The following SNED1 variants were observed in gnomAD, a reference collection of about 807,000 sequenced individuals.
SNED1 encodes sushi, nidogen and EGF like domains 1, also known as sushi, nidogen and EGF-like domain-containing protein 1.
SNED1 carries 81 observed loss-of-function variants against 166.7 expected under a neutral mutation model. The observed-to-expected ratio is 0.49, with a 90% CI of 0.41 to 0.58. The LOEUF is 0.58. Among genes scored for constraint, SNED1 ranks in the 20% least tolerant of loss-of-function variants. The probability of loss-of-function intolerance (pLI) is 0.00; values close to 1 mark genes in which losing one functional copy is unlikely to be tolerated. For synonymous variants in SNED1, 762 were observed against 822.0 expected, an observed-to-expected ratio of 0.93 and a Z score of 1.25; for missense variants, 1,604 against 2,000.2, an observed-to-expected ratio of 0.80 and a Z score of 3.78.
rs764542735 is a variant in SNED1 at position 241,053,213 on chromosome 2, G to A, written c.2144G>A (p.Arg715Gln). 31 of 1,609,516 alleles carry A rather than the reference G, an allele frequency of 1.9e-5. No individual in the cohort carries two copies. Among genetic ancestry groups the A allele is most frequent in the Middle Eastern group, 1.7e-4 (1 of 6,004 alleles). The change falls in exon 16 of 32, where the codon CGG becomes CAG. Residue 715 changes from arginine (R) to glutamine (Q), a missense_variant. Around this residue, in one of 2 missense-constraint regions of SNED1, gnomAD observed 1,237 missense variants for 1,620.8 expected, o/e 0.76. Transcript: ENST00000310397. ...KHATLRFNGT[R>Q]LGAVALYACD... Reference sequence around the variant, plus strand: ...GCCACACTGCGCTTCAACGGCACGCGGCTGGGCGCGGTGGCCCTGTATGCA... The same window carrying A: ...GCCACACTGCGCTTCAACGGCACGCAGCTGGGCGCGGTGGCCCTGTATGCA...
At position 241,051,992 on chromosome 2, in the gene SNED1, A is replaced by T; in HGVS notation, c.1853-49A>T. 6.4e-7 allele frequency: 1 copy of T among 1,557,772 alleles called. No homozygotes were observed. Among genetic ancestry groups the T allele is most frequent in the African/African-American group, 1.4e-5 (1 of 73,854 alleles). ...GGCCCCAGCTCTGGGATGTTGGGGA[A>T]CGTGGGAGGGGCAGTGGGCTGTGAC... On this transcript the variant is annotated intron_variant, in intron 13 of 31. Coordinates refer to ENST00000310397, the MANE Select transcript of SNED1 (RefSeq NM_001080437.3). This position sits in a 1 kb window ranked among gnomAD's most constrained non-coding sequence, Gnocchi z 4.7.
In SNED1 at chr2:241,084,790, A is replaced by T. The variant is rs1374549633; in HGVS notation, c.4121+2426A>T. Reference sequence around the variant, plus strand: ...TCTTTGCCATAAGAACTTAACTCTAACATCTCCTATAGCACAGGTCTGCAG... The same window carrying T: ...TCTTTGCCATAAGAACTTAACTCTATCATCTCCTATAGCACAGGTCTGCAG... On this transcript the variant is annotated intron_variant, in intron 29 of 31. Transcript: ENST00000310397. Among the ~76,000 whole-genome samples, 17 of 152,102 alleles carry T rather than the reference A, an allele frequency of 1.1e-4. No homozygotes were observed. The East Asian group carries it at 3.1e-3, about 28-fold the overall frequency.
chr2:241,030,651 C>A, intron 2 of SNED1, 80 bp downstream of exon 2: 1 of 1,429,020 alleles, frequency 7.0e-7, no homozygotes, highest in East Asian at 2.4e-5. Flanking sequence ...CTCCCTCTTG[C>A]TGATGTGGGT....
rs6708120 is a variant in SNED1, at chr2:241,073,344, A to G, written c.3896A>G (p.His1299Arg). ...AGCCTGGCCCTCCAGCTCCCTGAACACGGCAGCAAGGACATCGGAAGTGAG... is the reference window on the plus strand; with the variant it reads ...AGCCTGGCCCTCCAGCTCCCTGAACGCGGCAGCAAGGACATCGGAAGTGAG... ...RVSLALQLPE[H>R]GSKDIGNVPG... Residue 1299 changes from histidine to arginine, a missense_variant, in exon 27 of 32, where the codon CAC becomes CGC. By Grantham distance (29) the His-to-Arg change is conservative (BLOSUM62 0). Coordinates refer to ENST00000310397, the MANE Select transcript of SNED1 (RefSeq NM_001080437.3). This position sits in a 1 kb window ranked among gnomAD's most constrained non-coding sequence, Gnocchi z 6.6. 4,931 of 1,573,046 alleles carry G rather than the reference A, an allele frequency of 3.1e-3. 135 individuals are homozygous for G. The African/African-American group carries it at 0.057, about 18-fold the overall frequency.
chr2:241,012,000 C>T (rs75501520), intron 1 of SNED1, among the ~76,000 whole-genome samples: 7,650 of 152,264 alleles, frequency 0.05, 302 homozygotes, highest in African/African-American at 0.11. Flanking sequence ...TGGAGCGGGG[C>T]AGGCGGCGGG....
intron 27 of SNED1, chr2:241,074,708 G>A (rs928729643): frequency 2.6e-5 from 4 of 152,172 alleles, no homozygotes; most frequent in Admixed American, 6.5e-5. Context: ...ATGGCCCCTC[G>A]ATGCGCAAAG....
chr2:241,063,880 G>A (rs1276290238), intron 18 of SNED1, 132 bp from the exon 19 acceptor site: 7 of 775,594 alleles, frequency 9.0e-6, no homozygotes, highest in African/African-American at 3.5e-5. Context: ...GCTGAGGGGC[G>A]GGACCTGCCC....
At position 241,013,655 on chromosome 2, in the gene SNED1, T is replaced by C. The variant is rs913027393; in HGVS notation, c.213+14605T>C. Among the ~76,000 whole-genome samples the C allele has an allele frequency of 2.0e-5, 3 of 152,202 alleles. No individual in the cohort carries two copies. Among genetic ancestry groups the C allele is most frequent in the African/African-American group, 7.2e-5 (3 of 41,448 alleles). On this transcript the variant is annotated intron_variant, in intron 1 of 31. Coordinates refer to ENST00000310397, the MANE Select transcript of SNED1 (RefSeq NM_001080437.3). This position sits in a 1 kb window ranked among gnomAD's most constrained non-coding sequence, Gnocchi z 4.6. ...CACACCTGGCTGAGTTCAGCTATTT[T>C]AGATTCCACATATAAGTGTCTTTCT...
At chr2:241,067,639 G>A in intron 21 of SNED1, 125 bp from the exon 22 acceptor site, 1 of 726,928 alleles carries the variant, frequency 1.4e-6, no homozygotes, top group Non-Finnish European at 2.2e-6. Context: ...CAGTTGATGG[G>A]ACACCCTCTC....
chr2:241,001,440 G>A (rs1057491264), intron 1 of SNED1, among the ~76,000 whole-genome samples: 2 of 152,220 alleles, frequency 1.3e-5, no homozygotes, highest in African/African-American at 4.8e-5. Flanking sequence ...TCTTTCTCAT[G>A]TCATAGTAGC....
chr2:241,049,038 C>A lies in SNED1; in HGVS notation c.1521C>A (p.Pro507=). The A allele has an allele frequency of 6.2e-7, 1 of 1,613,068 alleles. No individual in the cohort carries two copies. The highest frequency in any genetic ancestry group is 1.1e-5 in the South Asian group (1 of 90,862). Reference sequence around the variant, plus strand: ...TCTCTCTAGAAATCACAGCCATGCCCTGCAACATGAACACACAGTGCCCAG... The same window carrying A: ...TCTCTCTAGAAATCACAGCCATGCCATGCAACATGAACACACAGTGCCCAG... ...LLCEFEITAM[P]CNMNTQCPDG... is the part of the protein sequence containing the mutation. The change falls in exon 11 of 32, where the codon CCC becomes CCA. Residue 507 remains proline (P), a synonymous_variant. Transcript: ENST00000310397.
chr2:241,027,269 T>G (rs959762337), intron 1 of SNED1, among the ~76,000 whole-genome samples: 7 of 152,102 alleles, frequency 4.6e-5, no homozygotes, highest in African/African-American at 1.4e-4. Context: ...TTAGTAGAAA[T>G]AGAGTTTTGC....
chr2:241,088,235 G>A, intron 30 of SNED1, 130 bp from the exon 31 acceptor site: 1 of 721,194 alleles, frequency 1.4e-6, no homozygotes, highest in Non-Finnish European at 2.5e-6. Context: ...CTGGACTAAT[G>A]GTGTCCCCCA....
In SNED1 at chr2:241,068,182, G is replaced by A. The variant is rs942447377; in HGVS notation, c.3194+235G>A. ...ATACACCTTGGTAGTGTTTTAAAGT[G>A]TCCAAAAAGAGCAGGAAAAGCTCAG... On this transcript the variant is annotated intron_variant, in intron 22 of 31. Transcript: ENST00000310397. This position sits in a 1 kb window ranked among gnomAD's most constrained non-coding sequence, Gnocchi z 5.3. Among the ~76,000 whole-genome samples the A allele has an allele frequency of 6.6e-5, 10 of 152,164 alleles. No homozygotes were observed. Among genetic ancestry groups the A allele is most frequent in the African/African-American group, 2.4e-4 (10 of 41,434 alleles).
chr2:241,071,711 A>G lies in SNED1; in HGVS notation c.3725A>G (p.Gln1242Arg). 4 of 793,360 alleles carry G rather than the reference A, an allele frequency of 5.0e-6. No homozygotes were observed. The highest frequency in any genetic ancestry group is 7.1e-6 in the Non-Finnish European group (4 of 564,576). 49.1% of individuals were successfully genotyped at this position (793,360 alleles called of 1,614,324 possible). The change falls in exon 25 of 32, where the codon CAG becomes CGG. Residue 1242 changes from glutamine to arginine, a missense_variant. This residue lies in a region of SNED1 where 367 missense variants were observed against 379.4 expected (regional missense o/e 0.97). Transcript: ENST00000310397. ...NDHSAPETPT[Q>R]PPRFSELVDG... ...CACAGCGCCCCCGAGACCCCCACCC[A>G]GCCCCCCAGGTACATGCCCCACCCA...
Position 241,063,717 on chromosome 2 carries a change from G to C in SNED1, c.2485+17G>C. 6.6e-7 allele frequency: 1 copy of C among 1,520,300 alleles called. No individual in the cohort carries two copies. Among genetic ancestry groups the C allele is most frequent in the Non-Finnish European group, 9.1e-7 (1 of 1,103,234 alleles). The allele number at this position is 1,520,300 out of a possible 1,614,324, so 94.2% of individuals were successfully genotyped here. On this transcript the variant is annotated intron_variant, in intron 18 of 31. Transcript: ENST00000310397. ...GTGAGACAGGTAGGGGCTCCCTCCAGTGGGCCCCACATGCAGAGCCTGGGC... is the reference window on the plus strand; with the variant it reads ...GTGAGACAGGTAGGGGCTCCCTCCACTGGGCCCCACATGCAGAGCCTGGGC...
intron 31 of SNED1, chr2:241,090,157 A>C: frequency 6.8e-7 from 1 of 1,461,884 alleles, no homozygotes; most frequent in Non-Finnish European, 9.1e-7. Context: ...CACTGTACGG[A>C]TGTTCAAAAT....
At chr2:241,002,540 G>A (rs1210631216) in intron 1 of SNED1, among the ~76,000 whole-genome samples, 5 of 152,126 alleles carry the variant, frequency 3.3e-5, no homozygotes, top group Admixed American at 3.3e-4. Context: ...GCAGATGGAA[G>A]GGGATCCTGG....
At chr2:241,002,405 G>T (rs2060103282) in intron 1 of SNED1, among the ~76,000 whole-genome samples, 1 of 152,188 alleles carries the variant, frequency 6.6e-6, no homozygotes, top group Non-Finnish European at 1.5e-5. Flanking sequence ...AGGGTCCTGG[G>T]CTTCCCCTTG....
Sources: allele counts gnomAD v4.1 joint callset (sites outside exome capture counted in the v4.1 genomes callset), GRCh38; gene constraint gnomAD v4.1.1; regional missense constraint gnomAD v4.1.1; non-coding constraint Gnocchi (gnomAD v3.1); transcripts MANE v1.5; gene names NCBI Gene and HGNC (gene_info 2026-07-23, HGNC 2026-07-21).